Variants in AFF2 observed in about 807,000 individuals in gnomAD.
AFF2 encodes the protein ALF transcription elongation factor 2, also known as AF4/FMR2 family member 2.
In AFF2, 14 loss-of-function variants were observed where a neutral mutation model predicts 76.9. The observed-to-expected ratio is 0.18, with a 90% CI of 0.12 to 0.28. The LOEUF is 0.28. AFF2 is among the 10% of genes least tolerant of loss of function. The pLI is 1.00. For missense variants in AFF2, 868 were observed against 1,001.1 expected, an observed-to-expected ratio of 0.87 and a Z score of 1.79; for synonymous variants, 398 against 366.7, an observed-to-expected ratio of 1.09 and a Z score of -0.98.
chrX:148,812,330 T>C (rs2070213706), intron 4 of AFF2, among the ~76,000 whole-genome samples: 1 of 111,148 alleles, frequency 9.0e-6, no homozygotes, highest in Non-Finnish European at 1.9e-5. Flanking sequence ...TCGCTGCTTT[T>C]CAAACTAAGC....
intron 9 of AFF2, among the ~76,000 whole-genome samples, chrX:148,919,040 A>G (rs1455027975): frequency 1.8e-5 from 2 of 112,053 alleles, no homozygotes; most frequent in Admixed American, 9.5e-5. Flanking sequence ...TAGATTTGTA[A>G]TAATTCAGAC....
At chrX:148,517,861 C>CA (rs5904237) in intron 1 of AFF2, among the ~76,000 whole-genome samples, 40,386 of 97,251 alleles carry the variant, frequency 0.42, 7,035 homozygotes, top group East Asian at 0.94. Context: ...ACTAAAAATA[C>CA]AAAAAAAAAA....
intron 3 of AFF2, among the ~76,000 whole-genome samples, chrX:148,700,912 T>C (rs1010231719): frequency 9.1e-6 from 1 of 110,389 alleles, no homozygotes; most frequent in Admixed American, 9.7e-5. Flanking sequence ...AGAATTCCCC[T>C]AATAAAATTT....
intron 3 of AFF2, among the ~76,000 whole-genome samples, chrX:148,717,248 C>T (rs1033741611): frequency 7.1e-5 from 8 of 112,064 alleles, no homozygotes; most frequent in East Asian, 2.8e-4. Context: ...GAATGAAGTA[C>T]GAATACATAC....
At chrX:148,574,620 G>T (rs2053264938) in intron 1 of AFF2, among the ~76,000 whole-genome samples, 2 of 111,210 alleles carry the variant, frequency 1.8e-5, no homozygotes, top group African/African-American at 6.5e-5. Context: ...CTTACTTCTG[G>T]AGGCAAGGAA....
At chrX:148,681,354 A>G (rs1569553091) in intron 3 of AFF2, among the ~76,000 whole-genome samples, 1 of 111,271 alleles carries the variant, frequency 9.0e-6, no homozygotes, top group African/African-American at 3.3e-5. Flanking sequence ...TCTTTTTTCT[A>G]TCCTTTCTTA....
chrX:148,909,950 A>G (rs1290616225), intron 9 of AFF2, among the ~76,000 whole-genome samples: 4 of 112,827 alleles, frequency 3.5e-5, no homozygotes, highest in Non-Finnish European at 7.5e-5. Context: ...TTATTAAGAC[A>G]TATGTGATAG....
Position 148,819,555 on chromosome X carries a change from G to T in AFF2, c.1086+9635G>T, listed in dbSNP as rs140552261. 4.1e-3 allele frequency among the ~76,000 whole-genome samples: 453 copies of T among 110,640 alleles called. 1 individual carries two copies. Among genetic ancestry groups the T allele is most frequent in the African/African-American group, 0.011 (346 of 30,465 alleles). On this transcript the variant is annotated intron_variant, in intron 4 of 20. Transcript: ENST00000370460. ...ATCTTGAGAGCTTTTATTGTTTCTG[G>T]ACATAAGTCATTTGTCAGATATGTG...
intron 4 of AFF2, among the ~76,000 whole-genome samples, chrX:148,837,275 G>A (rs782316307): frequency 1.8e-5 from 2 of 112,183 alleles, no homozygotes; most frequent in South Asian, 7.5e-4. Flanking sequence ...GATGCCAGGG[G>A]ATAGGATTAC....
At chrX:148,979,078 C>T (rs782776652) in intron 18 of AFF2, among the ~76,000 whole-genome samples, 1 of 112,152 alleles carries the variant, frequency 8.9e-6, no homozygotes, top group Non-Finnish European at 1.9e-5. Context: ...CAAACAGCAA[C>T]TTCATACTAG....
chrX:148,739,980 A>G (rs1470481510), intron 3 of AFF2, among the ~76,000 whole-genome samples: 1 of 111,890 alleles, frequency 8.9e-6, no homozygotes, highest in African/African-American at 3.3e-5. Flanking sequence ...TAGCGCCCCA[A>G]TCCCTTCTAG....
At position 148,692,373 on chromosome X, in the gene AFF2, C is replaced by G. The variant is rs1465326751; in HGVS notation, c.1041+29605C>G. On this transcript the variant is annotated intron_variant, in intron 3 of 20. Coordinates refer to ENST00000370460, the MANE Select transcript of AFF2 (RefSeq NM_002025.4). ...AAACAAAGCAAAATCTTTAGGATTG[C>G]CCTCTATCGTAATAAGGCAAGCATT... Among the ~76,000 whole-genome samples the G allele has an allele frequency of 2.7e-5, 3 of 111,860 alleles. No individual in the cohort carries two copies. In the East Asian group the frequency reaches 8.4e-4, roughly 31 times the overall value.
chrX:148,962,725 T>A lies in AFF2; in HGVS notation c.2701T>A (p.Ser901Thr), dbSNP rs782123687. 6 of 1,206,379 alleles carry A rather than the reference T, an allele frequency of 5.0e-6. No individual in the cohort carries two copies. The South Asian group carries it at 1.1e-4, about 21-fold the overall frequency. Residue 901 changes from serine (S) to threonine (T), a missense_variant, in exon 13 of 21, where the codon TCC (serine) becomes ACC (threonine). By Grantham distance (58) the Ser-to-Thr change is moderately conservative (BLOSUM62 1). Around this residue, in one of 6 missense-constraint regions of AFF2, gnomAD observed 532 missense variants for 564.2 expected, o/e 0.94. Transcript: ENST00000370460. ...KPPNTRENNS[S>T]RRANRRKEEK... is the part of the protein sequence containing the mutation. ...TCTTGTTTTTCACAGAAATAATTCATCCAGGAGAGCAAATAGAAGAAAGGA... is the reference window on the plus strand; with the variant it reads ...TCTTGTTTTTCACAGAAATAATTCAACCAGGAGAGCAAATAGAAGAAAGGA...
At chrX:148,655,224 G>A (rs1375332023) in intron 2 of AFF2, among the ~76,000 whole-genome samples, 2 of 110,622 alleles carry the variant, frequency 1.8e-5, no homozygotes, top group African/African-American at 6.6e-5. Context: ...TGTGGGGCAG[G>A]GCCTATTGTG....
chrX:148,779,335 G>A (rs1459046655), intron 3 of AFF2, among the ~76,000 whole-genome samples: 1 of 111,895 alleles, frequency 8.9e-6, no homozygotes, highest in Non-Finnish European at 1.9e-5. Context: ...TTGAGGTAGA[G>A]AGTTCTGTAG....
intron 4 of AFF2, among the ~76,000 whole-genome samples, chrX:148,824,535 A>G (rs2070365031): frequency 8.9e-6 from 1 of 112,014 alleles, no homozygotes; most frequent in South Asian, 3.7e-4. Context: ...ATAAATATAT[A>G]TTAATAATTT....
intron 3 of AFF2, among the ~76,000 whole-genome samples, chrX:148,666,510 G>A (rs903745899): frequency 9.1e-5 from 10 of 109,980 alleles, no homozygotes; most frequent in Non-Finnish European, 1.1e-4. Context: ...GCTTGAACCC[G>A]GGAGGCAGAG....
chrX:148,641,616 T>C (rs2054090495), intron 1 of AFF2, among the ~76,000 whole-genome samples: 1 of 111,366 alleles, frequency 9.0e-6, no homozygotes, highest in Admixed American at 9.5e-5. Flanking sequence ...GGTGCATGCA[T>C]TTGGTAGTTT....
intron 3 of AFF2, among the ~76,000 whole-genome samples, chrX:148,714,294 A>T (rs944249092): frequency 2.7e-5 from 3 of 112,068 alleles, no homozygotes; most frequent in Non-Finnish European, 5.6e-5. Context: ...CCACTTTTTT[A>T]AAGTAAGATT....
Sources: allele counts gnomAD v4.1 joint callset (sites outside exome capture counted in the v4.1 genomes callset), GRCh38; gene constraint gnomAD v4.1.1; regional missense constraint gnomAD v4.1.1; transcripts MANE v1.5; gene names NCBI Gene and HGNC (gene_info 2026-07-23, HGNC 2026-07-21).